The following COLEC10 variants were observed in gnomAD, a reference collection of about 807,000 sequenced individuals.
COLEC10 encodes the protein collectin-10.
COLEC10 carries 22 observed loss-of-function variants against 28.4 expected under a neutral mutation model. That is an observed-to-expected ratio of 0.78 (90% confidence interval 0.55 to 1.11). The LOEUF is 1.11. Ranked by LOEUF, COLEC10 falls within the 50% of genes least tolerant of loss-of-function variation. The pLI is 0.00. For synonymous variants in COLEC10, 125 were observed against 116.1 expected (o/e 1.08, Z -0.49); for missense variants, 361 against 344.1 (o/e 1.05, Z -0.39).
chr8:119,054,407 C>T (rs909274971), intron 2 of COLEC10, among the ~76,000 whole-genome samples: 12 of 151,942 alleles, frequency 7.9e-5, no homozygotes, highest in Non-Finnish European at 1.5e-5. Context: ...AATCAGATTG[C>T]AAACAGGTCA....
At chr8:119,085,885 TG>T (rs1815471774) in intron 1 of COLEC10, among the ~76,000 whole-genome samples, 1 of 152,076 alleles carries the variant, frequency 6.6e-6, no homozygotes, top group Admixed American at 6.6e-5. Context: ...CCCAAAGTGC[TG>T]AGATTACAGG....
the COLEC10 span, among the ~76,000 whole-genome samples, chr8:118,986,072 A>G: frequency 6.6e-6 from 1 of 152,294 alleles, no homozygotes; most frequent in African/African-American, 2.4e-5. Context: ...ATGGTCAAGA[A>G]TCACCAAAAG....
intron 3 of COLEC10, among the ~76,000 whole-genome samples, chr8:119,098,463 A>G (rs1815763357): frequency 6.6e-6 from 1 of 152,044 alleles, no homozygotes. Context: ...CACTGTACTC[A>G]CTGTCATATC....
chr8:119,076,067 ATTTTTTTTT>A (rs11330366), intron 1 of COLEC10, among the ~76,000 whole-genome samples: 88 of 90,084 alleles, frequency 9.8e-4, no homozygotes, highest in African/African-American at 3.9e-3. Context: ...CGCCCGGCTA[ATTTTTTTTT>A]TTTTTTTTTT....
chr8:119,055,074 A>G (rs1814739218), intron 2 of COLEC10, among the ~76,000 whole-genome samples: 1 of 152,094 alleles, frequency 6.6e-6, no homozygotes, highest in African/African-American at 2.4e-5. Context: ...CATGCTTTTC[A>G]GTAGAGTTGA....
At chr8:118,965,136 T>C in the COLEC10 span, among the ~76,000 whole-genome samples, 1 of 152,164 alleles carries the variant, frequency 6.6e-6, no homozygotes, top group African/African-American at 2.4e-5. Flanking sequence ...TGATAAGAAG[T>C]GCAATGACTA....
chr8:119,105,352 T>C (rs566482335), intron 5 of COLEC10, among the ~76,000 whole-genome samples: 6 of 152,224 alleles, frequency 3.9e-5, no homozygotes, highest in Admixed American at 2.6e-4. Context: ...AGACTTCTTA[T>C]AGGGGAAAAT....
intron 2 of COLEC10, among the ~76,000 whole-genome samples, chr8:119,044,087 C>A (rs767573903): frequency 6.6e-6 from 1 of 152,216 alleles, no homozygotes; most frequent in Non-Finnish European, 1.5e-5. Flanking sequence ...GCTAGAGAGA[C>A]CACGTGTCCT....
intron 2 of COLEC10, among the ~76,000 whole-genome samples, chr8:119,040,962 A>G (rs1814483739): frequency 6.6e-6 from 1 of 152,232 alleles, no homozygotes; most frequent in Admixed American, 6.5e-5. Flanking sequence ...TAAAGAGGAC[A>G]ATCCCTTAGG....
chr8:119,094,243 T>C (rs1815667232), intron 3 of COLEC10, among the ~76,000 whole-genome samples: 2 of 152,126 alleles, frequency 1.3e-5, no homozygotes, highest in South Asian at 4.1e-4. Context: ...GGGCCAGAGC[T>C]AGTCTGTGGA....
intron 2 of COLEC10, among the ~76,000 whole-genome samples, 186 bp from the exon 3 acceptor site, chr8:119,090,963 C>T (rs899385168): frequency 9.2e-5 from 14 of 152,114 alleles, no homozygotes; most frequent in African/African-American, 3.4e-4. Flanking sequence ...CATACTCACT[C>T]ACATTTTAAT....
chr8:119,106,018 A>G lies in COLEC10; in HGVS notation c.661A>G (p.Met221Val), dbSNP rs756033494. The G allele has an allele frequency of 1.2e-6, 2 of 1,613,856 alleles. No homozygotes were observed. Among genetic ancestry groups the G allele is most frequent in the Admixed American group, 1.7e-5 (1 of 59,938 alleles). ...VNDLEREGQY[M>V]FTDNTPLQNY... ...TGACCTTGAAAGGGAGGGACAGTACATGTTCACAGACAACACTCCACTGCA... is the reference window on the plus strand; with the variant it reads ...TGACCTTGAAAGGGAGGGACAGTACGTGTTCACAGACAACACTCCACTGCA... Residue 221 changes from methionine to valine, a missense_variant, in exon 6 of 6, where the codon ATG (methionine) becomes GTG (valine). Met to Val is a conservative substitution (Grantham distance 21, BLOSUM62 1). Coordinates refer to ENST00000332843, the MANE Select transcript of COLEC10 (RefSeq NM_006438.5).
At chr8:118,979,458 A>G in the COLEC10 span, among the ~76,000 whole-genome samples, 108 of 152,222 alleles carry the variant, frequency 7.1e-4, no homozygotes, top group African/African-American at 2.5e-3. Context: ...AGTAAGGTAA[A>G]CAATAATAAT....
At chr8:119,037,903 A>G (rs1253877611) in intron 2 of COLEC10, among the ~76,000 whole-genome samples, 3 of 152,224 alleles carry the variant, frequency 2.0e-5, no homozygotes, top group Admixed American at 6.5e-5. Flanking sequence ...ATTATATTAA[A>G]TATAAACTTT....
chr8:119,053,831 G>A (rs1387703776), intron 2 of COLEC10, among the ~76,000 whole-genome samples: 1 of 151,960 alleles, frequency 6.6e-6, no homozygotes, highest in Non-Finnish European at 1.5e-5. Flanking sequence ...ATCCACGGGG[G>A]ATACATTCCA....
At chr8:119,095,706 C>T (rs1815701405) in intron 3 of COLEC10, among the ~76,000 whole-genome samples, 1 of 151,786 alleles carries the variant, frequency 6.6e-6, no homozygotes, top group Admixed American at 6.6e-5. Flanking sequence ...TATCTCAAAA[C>T]AAAAAACAAA....
chr8:119,056,899 A>G (rs2130188138), intron 2 of COLEC10, among the ~76,000 whole-genome samples: 1 of 151,966 alleles, frequency 6.6e-6, no homozygotes, highest in East Asian at 1.9e-4. Flanking sequence ...TCAAGTTCCA[A>G]CCTCTATGCT....
Position 119,098,980 on chromosome 8 carries a change from C to T in COLEC10, c.293-3368C>T, listed in dbSNP as rs549029520. Among the ~76,000 whole-genome samples, 24 of 152,158 alleles carry T rather than the reference C, an allele frequency of 1.6e-4. 1 individual carries two copies. Among genetic ancestry groups the T allele is most frequent in the Non-Finnish European group, 3.4e-4 (23 of 67,962 alleles). ...TTCTAGGCTGGCCTTAATGTTGTCA[C>T]TTGCATGGATAGGGTAGCTTCCTGG... On this transcript the variant is annotated intron_variant, in intron 3 of 5. Transcript: ENST00000332843.
chr8:119,035,234 T>C (rs1281396100), intron 2 of COLEC10, among the ~76,000 whole-genome samples: 1 of 152,236 alleles, frequency 6.6e-6, no homozygotes, highest in East Asian at 1.9e-4. Context: ...AAATCTGAGC[T>C]CAAGATGGCT....
Sources: gnomAD v4.1 joint callset for allele counts (sites outside exome capture counted in the v4.1 genomes callset) on GRCh38, gnomAD v4.1.1 for gene constraint, MANE v1.5 for transcripts, NCBI Gene and HGNC (gene_info 2026-07-23, HGNC 2026-07-21) for gene names.